The following CCDC33 variants were observed in gnomAD, a reference collection of about 807,000 sequenced individuals.
CCDC33 encodes coiled-coil domain containing 33.
Under a neutral mutation model 91.9 loss-of-function variants are expected in CCDC33, and 94 were observed. That is an observed-to-expected ratio of 1.02 (90% CI 0.87 to 1.21). The LOEUF (loss-of-function observed/expected upper bound fraction) is 1.21, where lower values mean the gene tolerates loss of function less well. Ranked by LOEUF, CCDC33 falls within the 50% of genes most tolerant of loss-of-function variation. The pLI is 0.00. For synonymous variants in CCDC33, 396 were observed against 374.5 expected (o/e 1.06, Z -0.66); for missense variants, 940 against 935.5 (o/e 1.00, Z -0.06).
intron 11 of CCDC33, chr15:74,302,609 T>C (rs2059817880): frequency 3.3e-5 from 5 of 152,060 alleles, no homozygotes; most frequent in Admixed American, 2.0e-4. Context: ...GGCCCTGGGG[T>C]GACCACCCAT....
At chr15:74,271,498 C>G (rs552599247) in intron 5 of CCDC33, among the ~76,000 whole-genome samples, 1 of 152,074 alleles carries the variant, frequency 6.6e-6, no homozygotes, top group Admixed American at 6.5e-5. Context: ...TGCCTCAGCT[C>G]GGCAGAGAAG....
chr15:74,279,663 G>C (rs979860810), intron 7 of CCDC33, among the ~76,000 whole-genome samples: 4 of 151,878 alleles, frequency 2.6e-5, no homozygotes, highest in African/African-American at 7.3e-5. Flanking sequence ...CAGCCTCCTG[G>C]GTAGCTGGGA....
chr15:74,286,767 G>A (rs925823352), intron 10 of CCDC33, among the ~76,000 whole-genome samples: 1 of 152,188 alleles, frequency 6.6e-6, no homozygotes, highest in African/African-American at 2.4e-5. Context: ...ACAGCCCACA[G>A]ACATGCTGGG....
intron 10 of CCDC33, among the ~76,000 whole-genome samples, chr15:74,294,927 T>C (rs957870533): frequency 2.0e-5 from 3 of 151,986 alleles, no homozygotes; most frequent in African/African-American, 7.3e-5. Context: ...ACTTTAGACA[T>C]ATGACAGTGA....
intron 2 of CCDC33, among the ~76,000 whole-genome samples, chr15:74,253,513 TC>T (rs763984005): frequency 5.3e-5 from 8 of 152,126 alleles, no homozygotes; most frequent in Non-Finnish European, 8.8e-5. Flanking sequence ...TGCCCTGGAA[TC>T]CCGTTGATCT....
At position 74,207,673 on chromosome 15, in the gene CCDC33, TG is replaced by T. The variant is rs1216022775; in HGVS notation, n.90-1709del. On this transcript the variant is annotated intron_variant and non_coding_transcript_variant, in intron 1 of 3. Transcript: ENST00000558645. ...ACACGCAAGAGAGGCGTTCCAGGAG[TG>T]GGGGGATGGCCACTGTGCCCACCTG... 5 of 1,530,394 alleles carry T rather than the reference TG, an allele frequency of 3.3e-6. No individual in the cohort carries two copies. In the South Asian group the frequency reaches 4.8e-5, roughly 15 times the overall value. The allele number at this position is 1,530,394 out of a possible 1,614,324, so 94.8% of individuals were successfully genotyped here.
intron 5 of CCDC33, 134 bp from the exon 6 acceptor site, chr15:74,271,569 G>A: frequency 1.6e-6 from 1 of 640,628 alleles, no homozygotes; most frequent in Non-Finnish European, 2.9e-6. Context: ...GGAACAGGGA[G>A]AAGCAGGTGT....
intron 7 of CCDC33, 86 bp downstream of exon 7, chr15:74,272,977 C>T: frequency 2.0e-6 from 3 of 1,529,684 alleles, no homozygotes; most frequent in Non-Finnish European, 2.7e-6. Flanking sequence ...GTCAGCAGTT[C>T]CCTTGACTAT....
At chr15:74,329,426 C>T (rs539756851) in intron 11 of CCDC33, among the ~76,000 whole-genome samples, 12 of 152,278 alleles carry the variant, frequency 7.9e-5, no homozygotes, top group African/African-American at 1.2e-4. Context: ...CCTTGGTTTC[C>T]GCATTGGTAT....
At chr15:74,238,659 ACCTAT>A (rs2142238381) in intron 1 of CCDC33, among the ~76,000 whole-genome samples, 1 of 152,168 alleles carries the variant, frequency 6.6e-6, no homozygotes, top group African/African-American at 2.4e-5. Flanking sequence ...ATGTAATCAA[ACCTAT>A]CCCTTTTTAA....
chr15:74,239,141 A>T (rs747368177), intron 1 of CCDC33, among the ~76,000 whole-genome samples: 3 of 152,200 alleles, frequency 2.0e-5, no homozygotes, highest in African/African-American at 4.8e-5. Context: ...CTCCCAGCCC[A>T]GCCCCGCTCC....
chr15:74,204,038 G>A (rs2074194827), intron 1 of CCDC33, among the ~76,000 whole-genome samples: 1 of 152,190 alleles, frequency 6.6e-6, no homozygotes, highest in Non-Finnish European at 1.5e-5. Context: ...TAGGGGCTGA[G>A]CACCCTGCTA....
intron 2 of CCDC33, among the ~76,000 whole-genome samples, chr15:74,257,649 C>T (rs1261736866): frequency 6.6e-6 from 1 of 152,232 alleles, no homozygotes; most frequent in Non-Finnish European, 1.5e-5. Flanking sequence ...TCAGCACCTG[C>T]ATCAGCCAAA....
At chr15:74,220,611 G>A (rs2074562787) in intron 2 of CCDC33, among the ~76,000 whole-genome samples, 1 of 152,188 alleles carries the variant, frequency 6.6e-6, no homozygotes, top group Admixed American at 6.5e-5. Flanking sequence ...GAGGGGAAAG[G>A]GGACTGGCGA....
At chr15:74,229,784 G>T (rs962989080) in intron 2 of CCDC33, among the ~76,000 whole-genome samples, 2 of 152,200 alleles carry the variant, frequency 1.3e-5, no homozygotes, top group Non-Finnish European at 2.9e-5. Context: ...CATACATCAA[G>T]CACCCATCTG....
chr15:74,208,829 C>CTTG, intron 1 of CCDC33: 1 of 989,268 alleles, frequency 1.0e-6, no homozygotes, highest in Non-Finnish European at 1.2e-6. Context: ...TGACCTCTCC[C>CTTG]TTCCTTGTCT....
Position 74,268,392 on chromosome 15 carries a change from C to G in CCDC33, c.480C>G (p.Tyr160Ter), listed in dbSNP as rs145128251. 6.2e-7 allele frequency: 1 copy of G among 1,613,738 alleles called. No homozygotes were observed. Among genetic ancestry groups the G allele is most frequent in the Non-Finnish European group, 8.5e-7 (1 of 1,179,822 alleles). ...ADEATAKTQL[Y>*]ATVVRKSSFI... ...AAGCCACTGCCAAGACCCAGTTGTA[C>G]GCAACAGTCGTTCGGAAGAGCAGCT... The change falls in exon 5 of 19, where the codon TAC becomes TAG. Residue 160 changes from tyrosine to a stop codon, truncating the protein, a stop_gained. Transcript: ENST00000398814. LOFTEE classifies it high-confidence loss of function.
At chr15:74,225,287 T>A (rs182685995) in intron 2 of CCDC33, among the ~76,000 whole-genome samples, 44 of 151,894 alleles carry the variant, frequency 2.9e-4, no homozygotes. Context: ...GGCCTTCTCA[T>A]CTCCAGAAAT....
chr15:74,288,509 G>A (rs1268132928), intron 10 of CCDC33, among the ~76,000 whole-genome samples: 2 of 152,162 alleles, frequency 1.3e-5, no homozygotes, highest in African/African-American at 4.8e-5. Context: ...CCTAGCTTTG[G>A]TTCTATTTTA....
Sources: allele counts gnomAD v4.1 joint callset (sites outside exome capture counted in the v4.1 genomes callset), GRCh38; gene constraint gnomAD v4.1.1; transcripts MANE v1.5; gene names NCBI Gene and HGNC (gene_info 2026-07-23, HGNC 2026-07-21).